RARB: variants seen among roughly 807,000 people sequenced by gnomAD.
RARB encodes the protein HBV-activated protein.
Under a neutral mutation model 51.9 loss-of-function variants are expected in RARB, and 17 were observed. The observed-to-expected ratio is 0.33, with a 90% CI of 0.22 to 0.49. The LOEUF (loss-of-function observed/expected upper bound fraction) is 0.49. RARB is among the 20% of genes least tolerant of loss of function. The pLI is 0.99. For synonymous variants in RARB, 215 were observed against 195.4 expected, an observed-to-expected ratio of 1.10 and a Z score of -0.84; for missense variants, 369 against 550.8, an observed-to-expected ratio of 0.67 and a Z score of 3.30.
intron 5 of RARB, among the ~76,000 whole-genome samples, chr3:25,180,592 A>G (rs541665278): frequency 1.3e-5 from 2 of 152,336 alleles, no homozygotes; most frequent in African/African-American, 4.8e-5. Flanking sequence ...GGCCTGGGCC[A>G]TCTTCAGGAT....
At chr3:25,399,864 C>T (rs1055689473) in intron 5 of RARB, among the ~76,000 whole-genome samples, 5 of 152,294 alleles carry the variant, frequency 3.3e-5, no homozygotes, top group Middle Eastern at 6.8e-3. Flanking sequence ...TCTCCCACCA[C>T]GAATGCCTTG....
intron 2 of RARB, among the ~76,000 whole-genome samples, chr3:24,930,972 C>T (rs966564813): frequency 2.4e-4 from 36 of 152,026 alleles, no homozygotes; most frequent in African/African-American, 8.0e-4. Flanking sequence ...ATTATTGTGC[C>T]GTTGCACTCC....
intron 2 of RARB, among the ~76,000 whole-genome samples, chr3:25,041,523 G>A (rs558168643): frequency 4.0e-5 from 6 of 150,642 alleles, no homozygotes; most frequent in Non-Finnish European, 5.9e-5. Flanking sequence ...ATAGTTGAGA[G>A]GGAGGACATT....
At chr3:24,966,812 A>G (rs923938226) in intron 2 of RARB, among the ~76,000 whole-genome samples, 12 of 152,208 alleles carry the variant, frequency 7.9e-5, no homozygotes, top group Admixed American at 5.2e-4. Context: ...AATATTCTAT[A>G]GATAACTGTA....
chr3:24,915,369 C>T (rs926044822), intron 2 of RARB, among the ~76,000 whole-genome samples: 7 of 152,074 alleles, frequency 4.6e-5, no homozygotes, highest in Non-Finnish European at 1.0e-4. Context: ...ATTTAACTGG[C>T]ATGTGTCAAT....
At chr3:25,134,951 G>A (rs903528867) in intron 4 of RARB, among the ~76,000 whole-genome samples, 2 of 151,906 alleles carry the variant, frequency 1.3e-5, no homozygotes, top group African/African-American at 4.8e-5. Context: ...AATATATGAA[G>A]ATTAAACGCT....
chr3:25,325,247 CT>C (rs1313582202), intron 5 of RARB, among the ~76,000 whole-genome samples: 1 of 152,092 alleles, frequency 6.6e-6, no homozygotes, highest in Non-Finnish European at 1.5e-5. Flanking sequence ...GGGAGTGTCT[CT>C]CAGCATGCTA....
At chr3:25,046,182 G>C (rs1447016898) in intron 2 of RARB, among the ~76,000 whole-genome samples, 1 of 152,184 alleles carries the variant, frequency 6.6e-6, no homozygotes, top group South Asian at 2.1e-4. Flanking sequence ...AAAAACCGCT[G>C]GGCCTGTTGG....
rs113792544 is a variant in RARB, at chr3:24,867,325, G to T, written c.-380+8573G>T. 2.9e-4 allele frequency among the ~76,000 whole-genome samples: 44 copies of T among 152,116 alleles called. 2 individuals are homozygous for T. In the South Asian group the frequency reaches 8.7e-3, roughly 30 times the overall value. The stretch of plus-strand genomic sequence containing the variant: ...TGGCCAAGCCCAGGAATAAATAAGG[G>T]CAGTTTGAAGGCTAAATGCAAGATG... On this transcript the variant is annotated intron_variant, in intron 2 of 11. Transcript: ENST00000383772.
At chr3:25,210,621 C>T (rs1701673536) in intron 5 of RARB, among the ~76,000 whole-genome samples, 1 of 144,366 alleles carries the variant, frequency 6.9e-6, no homozygotes, top group Non-Finnish European at 1.5e-5. Flanking sequence ...CTGCATCCTC[C>T]ACCTCCTGGG....
At chr3:24,873,490 T>C (rs1338075576) in intron 2 of RARB, among the ~76,000 whole-genome samples, 1 of 152,102 alleles carries the variant, frequency 6.6e-6, no homozygotes, top group Non-Finnish European at 1.5e-5. Flanking sequence ...TTAGTTATTC[T>C]TGACAGAGAT....
In RARB at chr3:24,844,019, A is replaced by G. The variant is rs190224924; in HGVS notation, c.-459+14616A>G. 4.3e-4 allele frequency among the ~76,000 whole-genome samples: 66 copies of G among 152,208 alleles called. No homozygotes were observed. In the East Asian group the frequency reaches 0.012, roughly 29 times the overall value. On this transcript the variant is annotated intron_variant, in intron 1 of 11. Coordinates refer to the RARB transcript ENST00000383772. ...AACATCCCTCAGCCTAGGGCTTGGC[A>G]CAAGTAGATCCTCAATAAATGTTTA...
At chr3:24,934,928 A>G (rs971493657) in intron 2 of RARB, among the ~76,000 whole-genome samples, 1 of 152,174 alleles carries the variant, frequency 6.6e-6, no homozygotes, top group Non-Finnish European at 1.5e-5. Flanking sequence ...CCAAATTACC[A>G]TGGGGATGTG....
chr3:24,836,274 G>A (rs1702344116), intron 1 of RARB, among the ~76,000 whole-genome samples: 1 of 152,222 alleles, frequency 6.6e-6, no homozygotes, highest in Admixed American at 6.5e-5. Flanking sequence ...CAATGTCCCA[G>A]GATCCTATAC....
chr3:25,399,250 G>T (rs571021529), intron 5 of RARB, among the ~76,000 whole-genome samples: 19 of 152,276 alleles, frequency 1.2e-4, no homozygotes, highest in Admixed American at 3.3e-4. Flanking sequence ...TAATAACTAT[G>T]GCAGATATTT....
chr3:25,174,445 C>A (rs1185671673), exon 5 of RARB: 1 of 1,352,022 alleles, frequency 7.4e-7, no homozygotes, highest in Non-Finnish European at 9.8e-7. Flanking sequence ...TGAACGGACA[C>A]ATGACTCACT....
At chr3:25,090,384 T>G (rs144836862) in intron 3 of RARB, among the ~76,000 whole-genome samples, 2 of 152,186 alleles carry the variant, frequency 1.3e-5, no homozygotes, top group South Asian at 4.1e-4. Context: ...TTAACTTGTT[T>G]TGCACAAATA....
In RARB at chr3:24,990,545, T is replaced by C. The variant is rs142723324; in HGVS notation, c.-379-69580T>C. ...AGATTATTAAATATAATGTGAGATA[T>C]CTGATTTGTTCTTTTTTGCATTTCT... On this transcript the variant is annotated intron_variant, in intron 2 of 11. Coordinates refer to the RARB transcript ENST00000383772. Among the ~76,000 whole-genome samples the C allele has an allele frequency of 5.3e-3, 575 of 108,732 alleles. 188 individuals carry two copies. Among genetic ancestry groups the C allele is most frequent in the African/African-American group, 0.02 (555 of 27,950 alleles). 71.3% of individuals were successfully genotyped at this position (108,732 alleles called of 152,430 possible).
intron 5 of RARB, among the ~76,000 whole-genome samples, chr3:25,419,607 C>A (rs1267249368): frequency 6.6e-6 from 1 of 152,142 alleles, no homozygotes; most frequent in Non-Finnish European, 1.5e-5. Context: ...GTGTAGTGTG[C>A]AGAATGAAAA....
Sources: gnomAD v4.1 joint callset for allele counts (sites outside exome capture counted in the v4.1 genomes callset) on GRCh38, gnomAD v4.1.1 for gene constraint, MANE v1.5 for transcripts, NCBI Gene and HGNC (gene_info 2026-07-23, HGNC 2026-07-21) for gene names.